Variants in LPIN1 observed in about 807,000 individuals in gnomAD.
The protein encoded by LPIN1 is phosphatidate phosphatase LPIN1.
Under a neutral mutation model 107.5 loss-of-function variants are expected in LPIN1, and 71 were observed. The observed-to-expected ratio is 0.66, with a 90% confidence interval of 0.55 to 0.80. The LOEUF is 0.80. Among genes scored for constraint, LPIN1 ranks in the 30% least tolerant of loss-of-function variants. The probability of loss-of-function intolerance (pLI) is 0.00; values close to 1 mark genes in which losing one functional copy is unlikely to be tolerated. For missense variants in LPIN1, 1,043 were observed against 1,160.6 expected (o/e 0.90, Z 1.47); for synonymous variants, 445 against 452.6 (o/e 0.98, Z 0.21).
chr2:11,807,237 A>G (rs983387367), intron 17 of LPIN1, among the ~76,000 whole-genome samples: 2 of 152,210 alleles, frequency 1.3e-5, no homozygotes, highest in Non-Finnish European at 2.9e-5. Flanking sequence ...TGCCCTCTCA[A>G]AAGGTTATCC....
intron 1 of LPIN1, among the ~76,000 whole-genome samples, chr2:11,684,091 G>A (rs1307798114): frequency 6.6e-6 from 1 of 152,224 alleles, no homozygotes; most frequent in Non-Finnish European, 1.5e-5. Context: ...TACAGTCTGT[G>A]AACCTCTGGC....
intron 1 of LPIN1, among the ~76,000 whole-genome samples, chr2:11,751,738 G>A (rs1572566488): frequency 6.6e-6 from 1 of 152,160 alleles, no homozygotes; most frequent in East Asian, 1.9e-4. Context: ...TGTAGTCCCA[G>A]CTACTCGGGA....
intron 7 of LPIN1, 116 bp downstream of exon 7, chr2:11,779,761 C>G: frequency 2.4e-6 from 3 of 1,233,660 alleles, no homozygotes; most frequent in Non-Finnish European, 2.4e-6. Flanking sequence ...AGAGGTAAAC[C>G]AAAATATATT....
chr2:11,705,411 G>C (rs1178682402), intron 1 of LPIN1, among the ~76,000 whole-genome samples: 2 of 152,248 alleles, frequency 1.3e-5, no homozygotes, highest in African/African-American at 4.8e-5. Context: ...GCTGTCATCA[G>C]CTGAGTACGC....
chr2:11,724,995 G>T (rs538260607), intron 1 of LPIN1, among the ~76,000 whole-genome samples: 1 of 152,172 alleles, frequency 6.6e-6, no homozygotes, highest in African/African-American at 2.4e-5. Flanking sequence ...GGGCGCGGTG[G>T]CTCACACCTG....
chr2:11,696,852 TC>T (rs779444180), intron 1 of LPIN1, among the ~76,000 whole-genome samples: 7 of 152,254 alleles, frequency 4.6e-5, no homozygotes, highest in Admixed American at 6.5e-5. Context: ...CACGTGGGTC[TC>T]CTGTCAGCCT....
chr2:11,731,077 T>A (rs1426771379), intron 1 of LPIN1, among the ~76,000 whole-genome samples: 1 of 152,208 alleles, frequency 6.6e-6, no homozygotes, highest in Admixed American at 6.5e-5. Flanking sequence ...TTTAAAAAAA[T>A]TATTTTAAGT....
rs1303441968 is a variant in LPIN1 at position 11,824,827 on chromosome 2, C to G, written c.*36C>G. On this transcript the variant is annotated 3_prime_UTR_variant, in exon 21 of 21. Coordinates refer to ENST00000674199, the MANE Select transcript of LPIN1 (RefSeq NM_001349206.2). ...GCAGCCTCTTGCCAGCAGTGCAGAG[C>G]CTGGTTGTCACCCATTAAAGGATAG... 1 of 1,613,210 alleles carries G rather than the reference C, an allele frequency of 6.2e-7. No individual in the cohort carries two copies.
At chr2:11,791,474 T>C (rs1045076536) in intron 12 of LPIN1, among the ~76,000 whole-genome samples, 2 of 152,260 alleles carry the variant, frequency 1.3e-5, no homozygotes, top group Admixed American at 6.5e-5. Flanking sequence ...AAAAATCTTA[T>C]GCATTTTACC....
chr2:11,694,830 T>C (rs749776985), intron 1 of LPIN1, among the ~76,000 whole-genome samples: 12 of 152,216 alleles, frequency 7.9e-5, no homozygotes, highest in Non-Finnish European at 1.3e-4. Context: ...TTATAAGAAA[T>C]AATATAAAAA....
At chr2:11,730,201 T>C (rs139796901) in intron 1 of LPIN1, among the ~76,000 whole-genome samples, 2 of 152,282 alleles carry the variant, frequency 1.3e-5, no homozygotes, top group Admixed American at 6.5e-5. Context: ...GTGTTTCAGT[T>C]TGGGTAATTT....
rs772561442 is a variant in LPIN1, at chr2:11,819,510, A to G, written c.2429A>G (p.Lys810Arg). ...HREVIEKKPE[K>R]FKVQCLTDIK... Reference sequence around the variant, plus strand: ...GAAGTGATTGAAAAGAAGCCAGAAAAGTTTAAAGTCCAGTGTTTGACAGAC... The same window carrying G: ...GAAGTGATTGAAAAGAAGCCAGAAAGGTTTAAAGTCCAGTGTTTGACAGAC... The change falls in exon 19 of 21, where the codon AAG (lysine) becomes AGG (arginine). Residue 810 changes from lysine (K) to arginine (R), a missense_variant. Coordinates refer to ENST00000674199, the MANE Select transcript of LPIN1 (RefSeq NM_001349206.2). 4 of 1,613,138 alleles carry G rather than the reference A, an allele frequency of 2.5e-6. No homozygotes were observed. The highest frequency in any genetic ancestry group is 2.5e-6 in the Non-Finnish European group (3 of 1,179,038).
intron 17 of LPIN1, among the ~76,000 whole-genome samples, chr2:11,813,623 A>G (rs537701224): frequency 1.3e-5 from 2 of 152,288 alleles, no homozygotes; most frequent in Admixed American, 6.5e-5. Flanking sequence ...AGTTAAAAAA[A>G]GTGAAATGGG....
At chr2:11,780,121 C>T (rs1221148130) in intron 7 of LPIN1, among the ~76,000 whole-genome samples, 3 of 152,164 alleles carry the variant, frequency 2.0e-5, no homozygotes, top group Non-Finnish European at 4.4e-5. Flanking sequence ...CCTCAAGTGA[C>T]CCGCCTGCCT....
Position 11,771,550 on chromosome 2 carries a change from GA to G in LPIN1, c.472del (p.Arg158GlyfsTer10). The G allele has an allele frequency of 6.2e-7, 1 of 1,614,062 alleles. No homozygotes were observed. The highest frequency in any genetic ancestry group is 8.5e-7 in the Non-Finnish European group (1 of 1,179,970). On this transcript the variant is annotated frameshift_variant, in exon 4 of 21. Transcript: ENST00000674199. LOFTEE classifies it high-confidence loss of function. This position sits in a 1 kb window ranked among gnomAD's most constrained non-coding sequence, Gnocchi z 4.8. Reference sequence around the variant, plus strand: ...AGCAGCTCTGTAGTAAAGAAGAGAAGAAAAAGGAGGAGAAAGTCACAGCTGG... The same window carrying G: ...AGCAGCTCTGTAGTAAAGAAGAGAAGAAAAGGAGGAGAAAGTCACAGCTGG... ...PSSSSVVKKR[R>X]KRRRKSQLDS...
rs945375551 is a variant in LPIN1 at position 11,770,521 on chromosome 2, TCTCA to T, written c.289-847_289-844del. Among the ~76,000 whole-genome samples the T allele has an allele frequency of 1.6e-4, 25 of 152,310 alleles. 1 individual carries two copies. Among genetic ancestry groups the T allele is most frequent in the Admixed American group, 1.1e-3 (17 of 15,302 alleles). On this transcript the variant is annotated intron_variant, in intron 3 of 20. Transcript: ENST00000674199. ...AGTCCAGCAGCCGGGTGAGATGACC[TCTCA>T]CTCCCTTCCAGCCTCAGCTGTGTGT...
intron 1 of LPIN1, among the ~76,000 whole-genome samples, chr2:11,705,722 T>G (rs182951037): frequency 2.6e-5 from 4 of 152,354 alleles, no homozygotes; most frequent in East Asian, 1.9e-4. Context: ...GAAATGAGAC[T>G]GCAAGTGTGG....
chr2:11,759,145 CT>C (rs1341267434), intron 1 of LPIN1, among the ~76,000 whole-genome samples: 2 of 130,060 alleles, frequency 1.5e-5, no homozygotes, highest in Non-Finnish European at 3.3e-5. Flanking sequence ...TTCTTTCTTT[CT>C]TTCTTTCTTT....
chr2:11,805,827 C>G (rs552334210), intron 17 of LPIN1, among the ~76,000 whole-genome samples: 1 of 152,166 alleles, frequency 6.6e-6, no homozygotes, highest in East Asian at 1.9e-4. Flanking sequence ...GTGATTTATC[C>G]AAATTCTCAT....
Sources: gnomAD v4.1 joint callset for allele counts (sites outside exome capture counted in the v4.1 genomes callset) on GRCh38, gnomAD v4.1.1 for gene constraint, Gnocchi (gnomAD v3.1) non-coding constraint, MANE v1.5 for transcripts, NCBI Gene and HGNC (gene_info 2026-07-23, HGNC 2026-07-21) for gene names.